RSPH14: variants seen among roughly 807,000 people sequenced by gnomAD.
The protein encoded by RSPH14 is radial spoke head 14 homolog, also known as rhabdoid tumor deletion region gene 1.
In RSPH14, 20 loss-of-function variants were observed where a neutral mutation model predicts 26.7. That is an observed-to-expected ratio of 0.75 (90% confidence interval 0.53 to 1.09). The LOEUF (loss-of-function observed/expected upper bound fraction) is 1.09, where lower values mean the gene tolerates loss of function less well. Among genes scored for constraint, RSPH14 ranks in the 50% least tolerant of loss-of-function variants. The probability of loss-of-function intolerance (pLI) is 0.00; values close to 1 mark genes in which losing one functional copy is unlikely to be tolerated. For synonymous variants in RSPH14, 177 were observed against 189.3 expected, an observed-to-expected ratio of 0.93 and a Z score of 0.53; for missense variants, 449 against 457.2, an observed-to-expected ratio of 0.98 and a Z score of 0.16.
chr22:23,100,821 A>T (rs1225353700), intron 4 of RSPH14, among the ~76,000 whole-genome samples: 1 of 152,106 alleles, frequency 6.6e-6, no homozygotes, highest in Non-Finnish European at 1.5e-5. Flanking sequence ...TCCCAAGGAG[A>T]CCCTATGGGT....
the RSPH14 span, among the ~76,000 whole-genome samples, chr22:23,168,274 T>C: frequency 6.6e-6 from 1 of 152,128 alleles, no homozygotes; most frequent in African/African-American, 2.4e-5. Flanking sequence ...CCTCCAGCTC[T>C]TGAAGTCCTG....
chr22:23,115,654 G>A (rs1006994592), intron 4 of RSPH14, among the ~76,000 whole-genome samples: 14 of 152,212 alleles, frequency 9.2e-5, no homozygotes, highest in Admixed American at 3.3e-4. Flanking sequence ...CAGAAGATGC[G>A]TGAAGCAGGC....
chr22:23,114,453 C>CT (rs751550015), intron 4 of RSPH14, among the ~76,000 whole-genome samples: 79 of 152,218 alleles, frequency 5.2e-4, no homozygotes, highest in Non-Finnish European at 8.8e-4. Flanking sequence ...CCAGCCCCTC[C>CT]TGCAATGCCT....
intron 4 of RSPH14, among the ~76,000 whole-genome samples, chr22:23,091,331 G>A (rs1021440708): frequency 2.0e-5 from 3 of 151,904 alleles, no homozygotes; most frequent in African/African-American, 7.3e-5. Flanking sequence ...TACCGCAATG[G>A]ACCTGCATAC....
At chr22:23,105,327 C>T (rs546692248) in intron 4 of RSPH14, among the ~76,000 whole-genome samples, 16 of 152,376 alleles carry the variant, frequency 1.1e-4, no homozygotes, top group South Asian at 8.3e-4. Context: ...GCAGTAACAA[C>T]CCAAATATGT....
intron 4 of RSPH14, chr22:23,096,560 C>A: frequency 1.2e-6 from 1 of 855,246 alleles, no homozygotes; most frequent in Middle Eastern, 2.4e-4. Context: ...ATAACTGAGG[C>A]AGCTCCAGCA....
intron 4 of RSPH14, chr22:23,095,606 C>A (rs1479799817): frequency 1.4e-6 from 2 of 1,432,296 alleles, no homozygotes; most frequent in Non-Finnish European, 1.9e-6. Context: ...GGCAGCTGGG[C>A]TCTTGTCTGC....
At chr22:23,085,556 C>T (rs1456900834) in intron 4 of RSPH14, among the ~76,000 whole-genome samples, 1 of 152,228 alleles carries the variant, frequency 6.6e-6, no homozygotes, top group Non-Finnish European at 1.5e-5. Flanking sequence ...ACAAATGGAA[C>T]TGAGCCAGGG....
chr22:23,130,439 A>G (rs889497736), intron 4 of RSPH14, among the ~76,000 whole-genome samples: 7 of 147,022 alleles, frequency 4.8e-5, no homozygotes, highest in African/African-American at 1.8e-4. Flanking sequence ...TGGGCGACAG[A>G]GTGAGACTCT....
intron 4 of RSPH14, among the ~76,000 whole-genome samples, chr22:23,127,434 G>A (rs2070212464): frequency 6.6e-6 from 1 of 152,210 alleles, no homozygotes; most frequent in African/African-American, 2.4e-5. Context: ...ACCCTGCCCT[G>A]AGGGCAGGCA....
the RSPH14 span, chr22:23,153,055 C>T: frequency 9.3e-6 from 15 of 1,613,882 alleles, no homozygotes; most frequent in Non-Finnish European, 1.2e-5. Flanking sequence ...TGTTTTTGAT[C>T]GAGACTACAA....
intron 4 of RSPH14, among the ~76,000 whole-genome samples, chr22:23,078,118 G>A (rs1334698711): frequency 6.6e-6 from 1 of 152,212 alleles, no homozygotes; most frequent in Non-Finnish European, 1.5e-5. Flanking sequence ...GGTGCGGGTG[G>A]CCTGTCTCCG....
the RSPH14 span, among the ~76,000 whole-genome samples, chr22:23,172,355 G>T: frequency 6.8e-6 from 1 of 147,446 alleles, no homozygotes; most frequent in Non-Finnish European, 1.5e-5. Flanking sequence ...GGTGGAGGTT[G>T]CTGTGAGCCA....
chr22:23,132,941 C>G (rs1043279023), intron 4 of RSPH14: 1 of 152,146 alleles, frequency 6.6e-6, no homozygotes, highest in African/African-American at 2.4e-5. Context: ...TAGGGCACTA[C>G]AGCCTAGAAC....
In RSPH14 at chr22:23,138,911, C is replaced by T. The variant is rs922980657; in HGVS notation, c.231G>A (p.Lys77=). 4 of 1,549,356 alleles carry T rather than the reference C, an allele frequency of 2.6e-6. No homozygotes were observed. The highest frequency in any genetic ancestry group is 1.7e-4 in the Middle Eastern group (1 of 5,992). ...TTATGCGCACCATACTGTTGCTATC[C>T]TTCAGCAAAGCTTTCAGGTTCTCCA... The part of the protein sequence containing the change: ...GCMENLKALL[K]DSNSMVRIKT... The change falls in exon 3 of 7, where the codon AAG becomes AAA. Residue 77 remains lysine (K), a synonymous_variant. Transcript: ENST00000216036.
rs1423004209 is a variant in RSPH14 at position 23,134,037 on chromosome 22, T to C, written c.410A>G (p.Gln137Arg). ...GGACGCAAGCCTACCTCTAGGCACC[T>C]GGACCAGCTGCATGTATGCCTTGTA... ...NLYKAYMQLV[Q>R]VPRGAQEIIS... The change falls in exon 4 of 7, where the codon CAG becomes CGG. Residue 137 changes from glutamine (Q) to arginine (R), a missense_variant. Coordinates refer to ENST00000216036, the MANE Select transcript of RSPH14 (RefSeq NM_014433.3). The C allele has an allele frequency of 6.2e-7, 1 of 1,613,540 alleles. No homozygotes were observed. The highest frequency in any genetic ancestry group is 1.3e-5 in the African/African-American group (1 of 75,028).
rs145463717 is a variant in RSPH14, at chr22:23,091,109, C to T, written c.422-26976G>A. On this transcript the variant is annotated intron_variant, in intron 4 of 6. Transcript: ENST00000216036. ...ATGCACCAGTACACATGCAGCTGCA[C>T]ACACGCACAACCACATGCAGACAGA... Among the ~76,000 whole-genome samples the T allele has an allele frequency of 1.5e-3, 228 of 152,356 alleles. 2 individuals are homozygous for T. Among genetic ancestry groups the T allele is most frequent in the African/African-American group, 5.2e-3 (216 of 41,570 alleles).
At chr22:23,178,562 G>A in the RSPH14 span, among the ~76,000 whole-genome samples, 13 of 152,226 alleles carry the variant, frequency 8.5e-5, no homozygotes, top group African/African-American at 2.9e-4. Flanking sequence ...GATGGGAAGG[G>A]GATGAGAAGG....
chr22:23,151,984 G>A, the RSPH14 span, among the ~76,000 whole-genome samples: 1 of 152,228 alleles, frequency 6.6e-6, no homozygotes, highest in Non-Finnish European at 1.5e-5. Context: ...CAAGAGGCCG[G>A]AGCCCACATC....
Sources: allele counts gnomAD v4.1 joint callset (sites outside exome capture counted in the v4.1 genomes callset), GRCh38; gene constraint gnomAD v4.1.1; transcripts MANE v1.5; gene names NCBI Gene and HGNC (gene_info 2026-07-23, HGNC 2026-07-21).